The following OXR1 variants were observed in gnomAD, a reference collection of about 807,000 sequenced individuals.
The protein encoded by OXR1 is oxidation resistance 1.
A neutral mutation model predicts 104.6 loss-of-function variants in OXR1; 41 were observed. The ratio of observed to expected loss-of-function variants is 0.39; its 90% confidence interval spans 0.31 to 0.51. The LOEUF (loss-of-function observed/expected upper bound fraction) is 0.51. OXR1 is among the 20% of genes least tolerant of loss of function. OXR1 has a pLI of 0.77. For synonymous variants in OXR1, 348 were observed against 348.4 expected (o/e 1.00, Z 0.01); for missense variants, 955 against 1,031.9 (o/e 0.93, Z 1.02).
At chr8:106,395,366 C>CAGTT (rs111956535) in intron 2 of OXR1, among the ~76,000 whole-genome samples, 15 of 152,282 alleles carry the variant, frequency 9.9e-5, no homozygotes, top group African/African-American at 3.4e-4. Flanking sequence ...GTTGGACTTA[C>CAGTT]AGTTCCACAT....
intron 2 of OXR1, among the ~76,000 whole-genome samples, chr8:106,425,579 G>T (rs1427535927): frequency 6.6e-6 from 1 of 152,128 alleles, no homozygotes; most frequent in Non-Finnish European, 1.5e-5. Context: ...GTCTGGGATG[G>T]TAAAAGGGAC....
At position 106,274,385 on chromosome 8, in the gene OXR1, G is replaced by A. The variant is rs367771747; in HGVS notation, c.-139+4018G>A. On this transcript the variant is annotated intron_variant, in intron 1 of 16. Coordinates refer to ENST00000517566, the MANE Select transcript of OXR1 (RefSeq NM_001198533.2). ...AGCCTAGTGAAACTAAAATTTGGTC[G>A]TTGTATCTACCCCCTCTTCTGTCTC... Among the ~76,000 whole-genome samples, 12 of 152,092 alleles carry A rather than the reference G, an allele frequency of 7.9e-5. No individual in the cohort carries two copies. The East Asian group carries it at 1.9e-3, about 24-fold the overall frequency.
At chr8:106,453,955 C>A (rs1294318252) in intron 2 of OXR1, among the ~76,000 whole-genome samples, 2 of 152,174 alleles carry the variant, frequency 1.3e-5, no homozygotes, top group Non-Finnish European at 2.9e-5. Flanking sequence ...ACAAAGCATT[C>A]TTATTCTTTG....
At chr8:106,486,608 A>C (rs543307598) in intron 2 of OXR1, among the ~76,000 whole-genome samples, 1 of 152,260 alleles carries the variant, frequency 6.6e-6, no homozygotes, top group Non-Finnish European at 1.5e-5. Flanking sequence ...CATAAGTAGT[A>C]AAATTTGTGT....
intron 2 of OXR1, among the ~76,000 whole-genome samples, chr8:106,504,861 G>A (rs944302380): frequency 9.2e-5 from 14 of 151,908 alleles, no homozygotes; most frequent in Non-Finnish European, 1.6e-4. Context: ...TCCTGGCTTT[G>A]TTAATGTATA....
intron 1 of OXR1, among the ~76,000 whole-genome samples, chr8:106,337,995 C>T (rs1273433159): frequency 6.6e-6 from 1 of 152,094 alleles, no homozygotes; most frequent in Non-Finnish European, 1.5e-5. Flanking sequence ...ATTCATTGTT[C>T]CGGTTATATC....
At chr8:106,694,482 T>TTTA in intron 7 of OXR1, among the ~76,000 whole-genome samples, 2 of 114,330 alleles carry the variant, frequency 1.7e-5, no homozygotes, top group Admixed American at 9.0e-5. Flanking sequence ...TTTATATATA[T>TTTA]ATTTGATATA....
intron 1 of OXR1, among the ~76,000 whole-genome samples, chr8:106,322,356 G>C (rs1427323073): frequency 6.6e-6 from 1 of 152,122 alleles, no homozygotes. Flanking sequence ...ACCCCTTCAT[G>C]TTAAATACTC....
intron 1 of OXR1, 92 bp from the exon 2 acceptor site, chr8:106,359,384 C>G (rs1288366716): frequency 6.0e-6 from 3 of 499,790 alleles, no homozygotes; most frequent in Non-Finnish European, 1.1e-5. Flanking sequence ...TATCTTATAC[C>G]ATGACAAAAC....
chr8:106,357,563 CACA>C (rs1463759357), intron 1 of OXR1, among the ~76,000 whole-genome samples: 3 of 151,158 alleles, frequency 2.0e-5, no homozygotes, highest in African/African-American at 7.3e-5. Flanking sequence ...CTTGTATGCA[CACA>C]ACAATTTTCA....
At chr8:106,379,290 G>A (rs1267366920) in intron 2 of OXR1, among the ~76,000 whole-genome samples, 3 of 152,114 alleles carry the variant, frequency 2.0e-5, no homozygotes, top group Non-Finnish European at 4.4e-5. Flanking sequence ...TAGATTTATG[G>A]TGTGAGTGCC....
At chr8:106,735,166 A>G (rs538523361) in intron 11 of OXR1, among the ~76,000 whole-genome samples, 1 of 151,672 alleles carries the variant, frequency 6.6e-6, no homozygotes, top group East Asian at 1.9e-4. Context: ...AAGGAAGTAT[A>G]TTTCTGTACT....
intron 1 of OXR1, among the ~76,000 whole-genome samples, chr8:106,275,977 A>T (rs1196167024): frequency 6.6e-6 from 1 of 152,196 alleles, no homozygotes; most frequent in Non-Finnish European, 1.5e-5. Context: ...CTTAAGAAAA[A>T]AAATAGCCTG....
intron 2 of OXR1, among the ~76,000 whole-genome samples, chr8:106,402,079 G>A (rs2130477953): frequency 6.6e-6 from 1 of 152,288 alleles, no homozygotes; most frequent in South Asian, 2.1e-4. Flanking sequence ...CCAGGTACTA[G>A]GGGATGTGTT....
At chr8:106,320,782 G>A (rs557112423) in intron 1 of OXR1, among the ~76,000 whole-genome samples, 4 of 151,978 alleles carry the variant, frequency 2.6e-5, no homozygotes, top group Non-Finnish European at 5.9e-5. Flanking sequence ...AGTGATTCTT[G>A]TGCCTCAGCC....
At chr8:106,668,776 T>A (rs576658504) in intron 3 of OXR1, among the ~76,000 whole-genome samples, 1 of 152,362 alleles carries the variant, frequency 6.6e-6, no homozygotes, top group African/African-American at 2.4e-5. Flanking sequence ...CTGCTGGTGT[T>A]AACTGTCACA....
intron 3 of OXR1, among the ~76,000 whole-genome samples, chr8:106,599,504 G>A (rs1389515862): frequency 2.6e-5 from 4 of 152,136 alleles, no homozygotes; most frequent in African/African-American, 9.7e-5. Flanking sequence ...TGATCCACAT[G>A]TGTATTGGAT....
chr8:106,413,178 T>C (rs746857394), intron 2 of OXR1, among the ~76,000 whole-genome samples: 24 of 152,278 alleles, frequency 1.6e-4, no homozygotes, highest in Non-Finnish European at 3.2e-4. Context: ...ATAGGAATCC[T>C]GTTTTTAGTA....
At chr8:106,390,667 A>G (rs1817556841) in intron 2 of OXR1, among the ~76,000 whole-genome samples, 1 of 152,184 alleles carries the variant, frequency 6.6e-6, no homozygotes, top group Non-Finnish European at 1.5e-5. Context: ...AAAAATCATA[A>G]CAGTATGAGC....
Sources: allele counts gnomAD v4.1 joint callset (sites outside exome capture counted in the v4.1 genomes callset), GRCh38; gene constraint gnomAD v4.1.1; transcripts MANE v1.5; gene names NCBI Gene and HGNC (gene_info 2026-07-23, HGNC 2026-07-21).